CTNND2: variants seen among roughly 807,000 people sequenced by gnomAD.
CTNND2 encodes catenin delta 2, also known as catenin delta-2.
Under a neutral mutation model 144.4 loss-of-function variants are expected in CTNND2, and 22 were observed. The ratio of observed to expected loss-of-function variants is 0.15; its 90% CI spans 0.11 to 0.22. The LOEUF (loss-of-function observed/expected upper bound fraction) is 0.22. CTNND2 is among the 10% of genes least tolerant of loss of function. The probability of loss-of-function intolerance (pLI) is 1.00; values close to 1 mark genes in which losing one functional copy is unlikely to be tolerated. For synonymous variants in CTNND2, 751 were observed against 695.6 expected (o/e 1.08, Z -1.25); for missense variants, 1,353 against 1,618.8 (o/e 0.84, Z 2.82).
intron 2 of CTNND2, among the ~76,000 whole-genome samples, chr5:11,667,314 T>C (rs931662103): frequency 6.6e-6 from 1 of 152,224 alleles, no homozygotes; most frequent in African/African-American, 2.4e-5. Flanking sequence ...ATGTTATTTC[T>C]AGTCCTAGAT....
intron 19 of CTNND2, among the ~76,000 whole-genome samples, chr5:10,991,968 G>A (rs1396433295): frequency 2.0e-5 from 3 of 152,072 alleles, no homozygotes; most frequent in Non-Finnish European, 4.4e-5. Context: ...CCCAGGCTGG[G>A]GTGCAGTGGC....
At position 11,519,029 on chromosome 5, in the gene CTNND2, A is replaced by AC. The variant is rs34529080; in HGVS notation, c.287+45914_287+45915insG. ...TCTCAACACACACACACACACACAC[A>AC]AATTTAAGTATATGGAGGAAAAAAT... On this transcript the variant is annotated intron_variant, in intron 3 of 21. Coordinates refer to ENST00000304623, the MANE Select transcript of CTNND2 (RefSeq NM_001332.4). Among the ~76,000 whole-genome samples the AC allele has an allele frequency of 8.9e-3, 1,267 of 142,978 alleles. 12 individuals carry two copies. The highest frequency in any genetic ancestry group is 0.027 in the African/African-American group (986 of 37,194). 93.8% of individuals were successfully genotyped at this position (142,978 alleles called of 152,430 possible).
At chr5:11,074,509 C>T (rs576163896) in intron 16 of CTNND2, among the ~76,000 whole-genome samples, 3 of 152,214 alleles carry the variant, frequency 2.0e-5, no homozygotes, top group African/African-American at 7.2e-5. Context: ...TGTTCATTCC[C>T]CAGTTCATGC....
chr5:11,839,754 AAGAG>A (rs963531117), intron 1 of CTNND2, among the ~76,000 whole-genome samples: 1 of 151,400 alleles, frequency 6.6e-6, no homozygotes, highest in Non-Finnish European at 1.5e-5. Flanking sequence ...TGTCTCCAGA[AAGAG>A]AGAGAGACAG....
intron 3 of CTNND2, among the ~76,000 whole-genome samples, chr5:11,413,393 C>T (rs1761694506): frequency 6.6e-6 from 1 of 152,004 alleles, no homozygotes; most frequent in Non-Finnish European, 1.5e-5. Flanking sequence ...CAAGAATCAC[C>T]AATTCAAAAA....
chr5:10,992,779 A>G lies in CTNND2; in HGVS notation c.3085-102T>C, dbSNP rs533056816. 32 of 1,464,216 alleles carry G rather than the reference A, an allele frequency of 2.2e-5. No individual in the cohort carries two copies. The South Asian group carries it at 2.9e-4, about 13-fold the overall frequency. 90.7% of individuals were successfully genotyped at this position (1,464,216 alleles called of 1,614,324 possible). A position where few individuals can be genotyped will look rare whatever the true frequency, so the allele number is the denominator to read the frequency against. On this transcript the variant is annotated intron_variant, in intron 18 of 21. Transcript: ENST00000304623. ...GTATCTGGATTTGCATAATATTTCT[A>G]TGGTGTGTCAGAAGAGGTTCTTGAA...
intron 1 of CTNND2, among the ~76,000 whole-genome samples, chr5:11,795,295 A>G (rs1791343599): frequency 6.6e-6 from 1 of 152,218 alleles, no homozygotes; most frequent in Non-Finnish European, 1.5e-5. Context: ...CCATGACATA[A>G]AAAGAGGAGT....
At chr5:11,763,117 C>T (rs755885791) in intron 1 of CTNND2, among the ~76,000 whole-genome samples, 1 of 152,124 alleles carries the variant, frequency 6.6e-6, no homozygotes, top group Non-Finnish European at 1.5e-5. Context: ...TCTCTCTCTC[C>T]TGCTGGCCAT....
intron 2 of CTNND2, among the ~76,000 whole-genome samples, chr5:11,710,448 G>A (rs1168011652): frequency 2.0e-5 from 3 of 151,518 alleles, no homozygotes; most frequent in African/African-American, 4.9e-5. Flanking sequence ...GCTGAGGCAG[G>A]AGAGTTGCTT....
intron 11 of CTNND2, among the ~76,000 whole-genome samples, chr5:11,164,813 G>C (rs540388353): frequency 7.2e-5 from 11 of 152,234 alleles, no homozygotes; most frequent in Admixed American, 2.0e-4. Flanking sequence ...TTTAATTTCA[G>C]CAGAAACCTC....
chr5:11,109,737 GC>G (rs11335088), intron 14 of CTNND2, among the ~76,000 whole-genome samples: 30,948 of 151,990 alleles, frequency 0.2, 3,534 homozygotes, highest in Middle Eastern at 0.3. Flanking sequence ...TTTTTTAAAG[GC>G]CATTTGCAAA....
At chr5:11,072,457 C>T (rs201523369) in intron 16 of CTNND2, among the ~76,000 whole-genome samples, 1 of 152,158 alleles carries the variant, frequency 6.6e-6, no homozygotes, top group Admixed American at 6.5e-5. Context: ...TTATAATACA[C>T]GAAATTGAAT....
At chr5:11,650,043 G>A (rs531135986) in intron 2 of CTNND2, among the ~76,000 whole-genome samples, 33 of 152,152 alleles carry the variant, frequency 2.2e-4, no homozygotes, top group Non-Finnish European at 4.4e-4. Context: ...TTTAGTCAGT[G>A]ATATGATTTG....
chr5:11,878,227 A>G (rs781428556), intron 1 of CTNND2, among the ~76,000 whole-genome samples: 2 of 152,222 alleles, frequency 1.3e-5, no homozygotes, highest in South Asian at 2.1e-4. Flanking sequence ...AATGTGGTAT[A>G]CAATTTTATA....
At chr5:11,020,832 A>AACCCTAACCCTAACCC (rs1561183187) in intron 17 of CTNND2, among the ~76,000 whole-genome samples, 1 of 150,918 alleles carries the variant, frequency 6.6e-6, no homozygotes, top group African/African-American at 2.5e-5. Flanking sequence ...CCAATTTAAC[A>AACCCTAACCCTAACCC]CTTCTTATTA....
intron 14 of CTNND2, among the ~76,000 whole-genome samples, chr5:11,102,756 G>A (rs1027442909): frequency 6.6e-6 from 1 of 152,104 alleles, no homozygotes; most frequent in Admixed American, 6.5e-5. Context: ...AGGGACTGCT[G>A]AAATTTAGAC....
intron 1 of CTNND2, among the ~76,000 whole-genome samples, chr5:11,878,152 A>T (rs1390439730): frequency 6.6e-6 from 1 of 152,206 alleles, no homozygotes; most frequent in Admixed American, 6.5e-5. Context: ...ACACTCAAAA[A>T]TGTGATTATA....
chr5:11,275,218 TG>T (rs565552609), intron 9 of CTNND2, among the ~76,000 whole-genome samples: 4 of 152,244 alleles, frequency 2.6e-5, no homozygotes, highest in African/African-American at 9.6e-5. Context: ...ACTTTACAGA[TG>T]GGGAAACTGA....
intron 10 of CTNND2, among the ~76,000 whole-genome samples, chr5:11,231,184 CT>C: frequency 6.6e-6 from 1 of 152,228 alleles, no homozygotes; most frequent in East Asian, 1.9e-4. Flanking sequence ...TGTAAGTTTT[CT>C]GAGGCATCTC....
Sources: gnomAD v4.1 joint callset for allele counts (sites outside exome capture counted in the v4.1 genomes callset) on GRCh38, gnomAD v4.1.1 for gene constraint, MANE v1.5 for transcripts, NCBI Gene and HGNC (gene_info 2026-07-23, HGNC 2026-07-21) for gene names.